The following STIM1 variants were observed in gnomAD, a reference collection of about 807,000 sequenced individuals.
STIM1 encodes the protein stromal interaction molecule 1.
A neutral mutation model predicts 74.7 loss-of-function variants in STIM1; 25 were observed. The ratio of observed to expected loss-of-function variants is 0.33; its 90% CI spans 0.24 to 0.47. STIM1 has a LOEUF of 0.47. STIM1 is among the 20% of genes least tolerant of loss of function. The pLI is 1.00. For missense variants in STIM1, 728 were observed against 920.8 expected, an observed-to-expected ratio of 0.79 and a Z score of 2.71; for synonymous variants, 328 against 348.8, an observed-to-expected ratio of 0.94 and a Z score of 0.66.
intron 2 of STIM1, among the ~76,000 whole-genome samples, chr11:4,016,568 C>G (rs570929811): frequency 6.6e-6 from 1 of 152,362 alleles, no homozygotes; most frequent in Admixed American, 6.5e-5. Flanking sequence ...CTGGGACAAC[C>G]ACTGCTCTCT....
chr11:3,918,541 A>G (rs868454942), intron 1 of STIM1, among the ~76,000 whole-genome samples: 22 of 146,376 alleles, frequency 1.5e-4, no homozygotes, highest in African/African-American at 4.6e-4. Context: ...CTCAAAAAAA[A>G]AAAGAAAGAA....
intron 1 of STIM1, among the ~76,000 whole-genome samples, chr11:3,965,925 TGAGCCCA>T (rs1282209407): frequency 6.6e-6 from 1 of 152,206 alleles, no homozygotes; most frequent in African/African-American, 2.4e-5. Flanking sequence ...GAGAATTGCT[TGAGCCCA>T]GGGAACGAAG....
chr11:3,974,197 A>G lies in STIM1; in HGVS notation c.270+6515A>G, dbSNP rs1212364882. ...CTCAACTCTCTGATGAAGAACTTCT[A>G]CAGCTGTTGGGACTACTTAAGAGAC... On this transcript the variant is annotated intron_variant, in intron 2 of 12. Transcript: ENST00000526596. 8 of 516,982 alleles carry G rather than the reference A, an allele frequency of 1.5e-5. No individual in the cohort carries two copies. In the East Asian group the frequency reaches 1.9e-4, roughly 12 times the overall value. The allele number at this position is 516,982 out of a possible 1,614,324, so 32.0% of individuals were successfully genotyped here.
At chr11:4,044,576 C>G (rs1479416681) in intron 3 of STIM1, among the ~76,000 whole-genome samples, 1 of 152,190 alleles carries the variant, frequency 6.6e-6, no homozygotes, top group Admixed American at 6.5e-5. Context: ...ACTATAGTGA[C>G]TCCAGGTGGA....
chr11:3,952,036 A>T (rs1271480115), intron 1 of STIM1, among the ~76,000 whole-genome samples: 1 of 152,110 alleles, frequency 6.6e-6, no homozygotes, highest in Non-Finnish European at 1.5e-5. Context: ...TTGTCTCTAG[A>T]CCAGATATTG....
chr11:4,029,503 TG>T (rs2094029109), intron 3 of STIM1, among the ~76,000 whole-genome samples: 1 of 149,922 alleles, frequency 6.7e-6, no homozygotes, highest in Non-Finnish European at 1.5e-5. Context: ...GCACTTTAGG[TG>T]AATTGGTGTG....
At chr11:3,953,237 T>C (rs2958714) in intron 1 of STIM1, among the ~76,000 whole-genome samples, 59,354 of 152,040 alleles carry the variant, frequency 0.39, 13,241 homozygotes, top group Admixed American at 0.5. Context: ...ACTTTATATT[T>C]AAGTTCTAAT....
chr11:4,029,330 A>G (rs2094027421), intron 3 of STIM1, among the ~76,000 whole-genome samples: 1 of 152,100 alleles, frequency 6.6e-6, no homozygotes, highest in Non-Finnish European at 1.5e-5. Flanking sequence ...AGGTTCCTGA[A>G]TAACGTCACT....
At chr11:3,956,822 C>CAAAAA (rs1565127471) in intron 1 of STIM1, among the ~76,000 whole-genome samples, 4 of 43,462 alleles carry the variant, frequency 9.2e-5, no homozygotes, top group Non-Finnish European at 5.1e-5. Context: ...GACCCTGTCT[C>CAAAAA]CAAAAAAAAA....
intron 5 of STIM1, among the ~76,000 whole-genome samples, chr11:4,068,985 T>C (rs150567501): frequency 6.6e-5 from 10 of 152,352 alleles, no homozygotes; most frequent in African/African-American, 2.2e-4. Flanking sequence ...GGCAACTTGC[T>C]GTGCACAGAG....
chr11:3,910,348 G>T (rs1188799777), intron 1 of STIM1, among the ~76,000 whole-genome samples: 1 of 152,176 alleles, frequency 6.6e-6, no homozygotes, highest in African/African-American at 2.4e-5. Context: ...AAAAGTATCT[G>T]GCGTATCCAT....
At chr11:3,920,882 AC>A (rs1239041598) in intron 1 of STIM1, among the ~76,000 whole-genome samples, 1 of 148,380 alleles carries the variant, frequency 6.7e-6, no homozygotes, top group East Asian at 2.0e-4. Flanking sequence ...TACAGCCTCC[AC>A]CTTCTGGGTT....
intron 1 of STIM1, among the ~76,000 whole-genome samples, chr11:3,941,587 G>A (rs1035132998): frequency 4.6e-4 from 58 of 126,632 alleles, no homozygotes; most frequent in African/African-American, 2.0e-3. Context: ...GCATATATAT[G>A]TGTGTGTGTG....
At position 4,093,098 on chromosome 11, in the gene STIM1, G is replaced by A. The variant is rs1369193750; in HGVS notation, c.*1300G>A. 2.0e-5 allele frequency: 3 copies of A among 152,716 alleles called. No individual in the cohort carries two copies. Among genetic ancestry groups the A allele is most frequent in the African/African-American group, 7.2e-5 (3 of 41,448 alleles). 9.5% of individuals were successfully genotyped at this position (152,716 alleles called of 1,614,324 possible). A position where few individuals can be genotyped will look rare whatever the true frequency, so the allele number is the denominator to read the frequency against. On this transcript the variant is annotated 3_prime_UTR_variant, in exon 13 of 13. Coordinates refer to ENST00000526596, the MANE Select transcript of STIM1 (RefSeq NM_001382567.1). ...TATACCTGGGGCTGGTCTTAGGAGG[G>A]TGCTAGGCTGCAGACTGCCTTGTAC...
intron 1 of STIM1, among the ~76,000 whole-genome samples, chr11:3,913,386 C>T (rs1183351657): frequency 2.0e-5 from 3 of 151,798 alleles, no homozygotes; most frequent in Non-Finnish European, 4.4e-5. Context: ...TGAGGTCTCA[C>T]GATGTTACCC....
chr11:3,905,978 C>A (rs181280904), intron 1 of STIM1, among the ~76,000 whole-genome samples: 49 of 152,246 alleles, frequency 3.2e-4, no homozygotes, highest in African/African-American at 1.1e-3. Flanking sequence ...CCTTGCTCTA[C>A]CTTTTCTTTA....
intron 1 of STIM1, among the ~76,000 whole-genome samples, chr11:3,919,701 T>C (rs951602143): frequency 7.2e-5 from 11 of 152,288 alleles, no homozygotes; most frequent in African/African-American, 2.6e-4. Context: ...TATTATAAAT[T>C]GAGTGAGGAT....
chr11:4,015,776 C>G (rs2093890469), intron 2 of STIM1, among the ~76,000 whole-genome samples: 1 of 152,142 alleles, frequency 6.6e-6, no homozygotes, highest in African/African-American at 2.4e-5. Flanking sequence ...TGTCTTCTTG[C>G]TTTATTTCAT....
chr11:3,950,268 G>T (rs2135662012), intron 1 of STIM1, among the ~76,000 whole-genome samples: 1 of 151,844 alleles, frequency 6.6e-6, no homozygotes, highest in Non-Finnish European at 1.5e-5. Context: ...TGAGTAGCTG[G>T]GATTACAGAC....
Sources: allele counts gnomAD v4.1 joint callset (sites outside exome capture counted in the v4.1 genomes callset), GRCh38; gene constraint gnomAD v4.1.1; transcripts MANE v1.5; gene names NCBI Gene and HGNC (gene_info 2026-07-23, HGNC 2026-07-21).